The following LRMDA variants were observed in gnomAD, a reference collection of about 807,000 sequenced individuals.
LRMDA encodes the protein leucine rich melanocyte differentiation associated, also known as leucine-rich melanocyte differentiation-associated protein.
A neutral mutation model predicts 29.8 loss-of-function variants in LRMDA; 18 were observed. That is an observed-to-expected ratio of 0.60 (90% CI 0.42 to 0.90). LRMDA has a LOEUF of 0.90. Ranked by LOEUF, LRMDA falls within the 40% of genes least tolerant of loss-of-function variation. The pLI is 0.00. For synonymous variants in LRMDA, 125 were observed against 109.4 expected (o/e 1.14, Z -0.89); for missense variants, 273 against 273.9 (o/e 1.00, Z 0.02).
At chr10:76,221,576 T>G (rs1851838230) in intron 5 of LRMDA, among the ~76,000 whole-genome samples, 1 of 152,198 alleles carries the variant, frequency 6.6e-6, no homozygotes, top group Non-Finnish European at 1.5e-5. Context: ...GTGAAGGACC[T>G]CTTCAAGGAG....
intron 2 of LRMDA, among the ~76,000 whole-genome samples, chr10:75,733,071 G>T (rs2132201051): frequency 6.6e-6 from 1 of 152,316 alleles, no homozygotes; most frequent in East Asian, 1.9e-4. Context: ...AGTGTTCATA[G>T]TAATCCAGTG....
In LRMDA at chr10:76,045,241, C is replaced by T. The variant is rs577527781; in HGVS notation, c.259-1923C>T. Among the ~76,000 whole-genome samples, 5 of 148,420 alleles carry T rather than the reference C, an allele frequency of 3.4e-5. No individual in the cohort carries two copies. The South Asian group carries it at 1.1e-3, about 32-fold the overall frequency. The stretch of plus-strand genomic sequence containing the variant: ...AGTTTCCCTCTCTTGCTAGTTTCCC[C>T]CTCTGGTTAGTTTCCCTCTCTTGCT... On this transcript the variant is annotated intron_variant, in intron 3 of 6. Coordinates refer to ENST00000611255, the MANE Select transcript of LRMDA (RefSeq NM_001305581.2).
rs74234180 is a variant in LRMDA at position 75,497,623 on chromosome 10, T to C, written c.131+59129T>C. Among the ~76,000 whole-genome samples the C allele has an allele frequency of 1.1e-3, 163 of 150,892 alleles. 1 individual carries two copies. The East Asian group carries it at 0.026, about 24-fold the overall frequency. ...CCTAGCTAATTCCTGCTCCCTCCCC[T>C]CCATAGGCAATTGCTCTTTTTTTTT... On this transcript the variant is annotated intron_variant, in intron 2 of 6. Transcript: ENST00000611255.
At chr10:75,906,461 G>A (rs956937573) in intron 2 of LRMDA, among the ~76,000 whole-genome samples, 1 of 152,192 alleles carries the variant, frequency 6.6e-6, no homozygotes, top group African/African-American at 2.4e-5. Context: ...ACCAGGTATA[G>A]AGCTAACTGT....
chr10:76,501,574 G>A (rs76373604), intron 6 of LRMDA, among the ~76,000 whole-genome samples: 3,248 of 152,098 alleles, frequency 0.021, 118 homozygotes, highest in African/African-American at 0.073. Flanking sequence ...ACTGGTGTGA[G>A]ATGGTTTTCC....
At position 75,438,502 on chromosome 10, in the gene LRMDA, A is replaced by T. The variant is rs1844288335; in HGVS notation, c.131+8A>T. 1.9e-6 allele frequency: 3 copies of T among 1,549,332 alleles called. No homozygotes were observed. The highest frequency in any genetic ancestry group is 2.4e-5 in the South Asian group (2 of 84,018). On this transcript the variant is annotated splice_region_variant and intron_variant, in intron 2 of 6. Transcript: ENST00000611255. ...GAGCTTTAACCTTCTGAGGTATGTAACCTTCACAAGATGTAGGCCAGGCCT... is the reference window on the plus strand; with the variant it reads ...GAGCTTTAACCTTCTGAGGTATGTATCCTTCACAAGATGTAGGCCAGGCCT...
At chr10:76,433,345 T>A (rs1311125642) in intron 6 of LRMDA, among the ~76,000 whole-genome samples, 5 of 152,170 alleles carry the variant, frequency 3.3e-5, no homozygotes, top group Non-Finnish European at 7.3e-5. Context: ...TACAAAGGTA[T>A]CAGGTTTCAG....
At chr10:75,686,853 G>A (rs117337683) in intron 2 of LRMDA, among the ~76,000 whole-genome samples, 2,736 of 152,260 alleles carry the variant, frequency 0.018, 106 homozygotes, top group East Asian at 0.14. Flanking sequence ...TGCTCGCTTC[G>A]TGGCTCTGTG....
At position 75,537,495 on chromosome 10, in the gene LRMDA, G is replaced by A. The variant is rs80075124; in HGVS notation, c.131+99001G>A. Among the ~76,000 whole-genome samples, 3 of 152,318 alleles carry A rather than the reference G, an allele frequency of 2.0e-5. No homozygotes were observed. The East Asian group carries it at 5.8e-4, about 29-fold the overall frequency. ...GTCAGGATTAAATGAGACCCTGACT[G>A]TACAGCTCTCAGCACAGTGCCTGGC... is the stretch of plus-strand genomic sequence containing the variant. On this transcript the variant is annotated intron_variant, in intron 2 of 6. Coordinates refer to ENST00000611255, the MANE Select transcript of LRMDA (RefSeq NM_001305581.2).
intron 5 of LRMDA, among the ~76,000 whole-genome samples, chr10:76,282,649 G>A (rs750090122): frequency 1.3e-5 from 2 of 152,310 alleles, no homozygotes; most frequent in East Asian, 1.9e-4. Context: ...ATCTGCAAGC[G>A]TGCTCAGCAG....
chr10:76,240,030 AT>A (rs1852241270), intron 5 of LRMDA, among the ~76,000 whole-genome samples: 1 of 152,078 alleles, frequency 6.6e-6, no homozygotes, highest in African/African-American at 2.4e-5. Context: ...TAGCCGGGAA[AT>A]TTTTAAAAAT....
At chr10:76,405,051 T>C (rs1841888584) in intron 6 of LRMDA, among the ~76,000 whole-genome samples, 1 of 152,150 alleles carries the variant, frequency 6.6e-6, no homozygotes, top group Admixed American at 6.5e-5. Flanking sequence ...CACCTAGATG[T>C]TATTAGCTCG....
intron 2 of LRMDA, among the ~76,000 whole-genome samples, chr10:75,806,637 CT>C (rs201768940): frequency 1.8e-3 from 257 of 141,452 alleles, no homozygotes; most frequent in Non-Finnish European, 1.9e-3. Flanking sequence ...TGTTAAAGTT[CT>C]TTTTTTTTTT....
At chr10:75,663,587 T>A (rs759532254) in intron 2 of LRMDA, among the ~76,000 whole-genome samples, 6 of 152,352 alleles carry the variant, frequency 3.9e-5, no homozygotes, top group Middle Eastern at 3.4e-3. Context: ...GATAAAGGGA[T>A]GACCTGAGCA....
intron 2 of LRMDA, among the ~76,000 whole-genome samples, chr10:75,850,271 T>G (rs1329501279): frequency 1.3e-5 from 2 of 152,232 alleles, no homozygotes; most frequent in African/African-American, 4.8e-5. Flanking sequence ...TCTGTAACCA[T>G]TTTTTCATTT....
chr10:76,088,338 C>G (rs1849172332), intron 5 of LRMDA, among the ~76,000 whole-genome samples: 2 of 152,202 alleles, frequency 1.3e-5, no homozygotes, highest in African/African-American at 4.8e-5. Context: ...CTCCTCTCCT[C>G]AAAGTATCTT....
intron 2 of LRMDA, among the ~76,000 whole-genome samples, chr10:75,666,627 T>G (rs1267459859): frequency 6.6e-6 from 1 of 152,092 alleles, no homozygotes; most frequent in Non-Finnish European, 1.5e-5. Flanking sequence ...AATTTTGAAT[T>G]TTGGGGGCAA....
intron 6 of LRMDA, among the ~76,000 whole-genome samples, chr10:76,326,502 A>G (rs1589428614): frequency 1.3e-5 from 2 of 152,364 alleles, no homozygotes; most frequent in Admixed American, 1.3e-4. Flanking sequence ...TGGTGTGAGG[A>G]CAAATTACAT....
intron 2 of LRMDA, among the ~76,000 whole-genome samples, chr10:75,910,074 G>GT: frequency 6.6e-6 from 1 of 152,346 alleles, no homozygotes; most frequent in Admixed American, 6.5e-5. Flanking sequence ...ATGTATCATA[G>GT]GAGAAACTTG....
Sources: allele counts gnomAD v4.1 joint callset (sites outside exome capture counted in the v4.1 genomes callset), GRCh38; gene constraint gnomAD v4.1.1; transcripts MANE v1.5; gene names NCBI Gene and HGNC (gene_info 2026-07-23, HGNC 2026-07-21).